TAF6: variants seen among roughly 807,000 people sequenced by gnomAD.
TAF6 encodes TATA-box binding protein associated factor 6.
In TAF6, 50 loss-of-function variants were observed where a neutral mutation model predicts 73.5. The observed-to-expected ratio is 0.68, with a 90% confidence interval of 0.54 to 0.86. The LOEUF is 0.86. Among genes scored for constraint, TAF6 ranks in the 40% least tolerant of loss-of-function variants. The probability of loss-of-function intolerance (pLI) is 0.00; values close to 1 mark genes in which losing one functional copy is unlikely to be tolerated. For synonymous variants in TAF6, 424 were observed against 376.7 expected (o/e 1.13, Z -1.45); for missense variants, 768 against 899.5 (o/e 0.85, Z 1.87).
upstream of TAF6, chr7:100,119,425 GTCC>G (rs954515749): frequency 8.2e-7 from 1 of 1,218,306 alleles, no homozygotes; most frequent in African/African-American, 1.6e-5. Context: ...ACCAGAATAA[GTCC>G]TCTAGGCTCG....
chr7:100,117,554 G>C (rs1416633337), intron 1 of TAF6, among the ~76,000 whole-genome samples: 2 of 151,700 alleles, frequency 1.3e-5, no homozygotes, highest in Non-Finnish European at 1.5e-5. Flanking sequence ...TTACAGGCGT[G>C]AGCCACTGTG....
At chr7:100,119,544 G>A (rs1374677783), upstream of TAF6, 2 of 1,375,198 alleles carry the variant, frequency 1.5e-6, no homozygotes, top group Non-Finnish European at 1.9e-6. Context: ...CGGCTGCCAG[G>A]ACCTTCAAGA....
chr7:100,108,590 C>T, intron 12 of TAF6, 50 bp from the exon 13 acceptor site: 2 of 1,550,260 alleles, frequency 1.3e-6, no homozygotes, highest in Non-Finnish European at 1.7e-6. Context: ...GGAAAAAAGC[C>T]AGGTAGAGGG....
the TAF6 span, chr7:100,127,161 G>T: frequency 4.1e-5 from 22 of 540,928 alleles, 2 homozygotes; most frequent in South Asian, 3.1e-4. This position sits in a 1 kb window ranked among gnomAD's most constrained non-coding sequence, Gnocchi z 4.6. Context: ...AATGGGGCGG[G>T]GGCCGAGGAC....
chr7:100,112,276 C>T lies in TAF6; in HGVS notation c.575-23G>A, dbSNP rs369658879. The T allele has an allele frequency of 1.0e-5, 16 of 1,605,822 alleles. No individual in the cohort carries two copies. In the East Asian group the frequency reaches 1.3e-4, roughly 13 times the overall value. On this transcript the variant is annotated intron_variant, in intron 6 of 14. Transcript: ENST00000453269. ...TCCCTGTGTGATTGGAAAGGTGGGT[C>T]TGACAAAGAAAGCTCCAGAAGAAAC...
chr7:100,125,973 T>G, the TAF6 span, among the ~76,000 whole-genome samples: 2 of 151,800 alleles, frequency 1.3e-5, no homozygotes, highest in Admixed American at 1.3e-4. Context: ...GATAACAAGA[T>G]TAGGAGATCG....
Position 100,113,708 on chromosome 7 carries a change from CG to C in TAF6, c.304del (p.Arg102GlyfsTer13). 1 of 1,614,022 alleles carries C rather than the reference CG, an allele frequency of 6.2e-7. No individual in the cohort carries two copies. The highest frequency in any genetic ancestry group is 1.1e-5 in the South Asian group (1 of 91,080). ...IPFRFASGGGRELYFYEEKEV... is the reference protein window; with the variant it reads ...IPFRFASGGGXELYFYEEKEV... ...CTTCTCCTCATAGAAGTAAAGCTCC[CG>C]GCCCCCACCAGAGGCGAAGCGGAAA... On this transcript the variant is annotated frameshift_variant, in exon 4 of 15. Coordinates refer to ENST00000453269, the MANE Select transcript of TAF6 (RefSeq NM_139315.3). LOFTEE classifies it high-confidence loss of function.
At chr7:100,109,819 TATC>T in intron 12 of TAF6, 126 bp downstream of exon 12, 2 of 1,389,782 alleles carry the variant, frequency 1.4e-6, no homozygotes, top group Admixed American at 4.5e-5. Flanking sequence ...TGTAAAATAG[TATC>T]AGACTCTGCA....
chr7:100,110,972 T>TC (rs1161791964), intron 10 of TAF6, among the ~76,000 whole-genome samples, 167 bp downstream of exon 10: 7 of 116,142 alleles, frequency 6.0e-5, no homozygotes, highest in African/African-American at 2.4e-4. Flanking sequence ...AGAGCGAGAC[T>TC]CCATCTCAAA....
rs373104578 is a variant in TAF6 at position 100,108,537 on chromosome 7, G to A, written c.1288C>T (p.His430Tyr). 15 of 1,602,402 alleles carry A rather than the reference G, an allele frequency of 9.4e-6. No individual in the cohort carries two copies. Among genetic ancestry groups the A allele is most frequent in the Non-Finnish European group, 1.3e-5 (15 of 1,171,782 alleles). ...ADHVQSLLLK[H>Y]CAPVLAKLRP... is the part of the protein sequence containing the mutation. ...AGCTTTGCCAGAACAGGAGCACAGT[G>A]TTTCTGCAGAACAGAAAAAAAGCCA... Residue 430 changes from histidine (H) to tyrosine (Y), a missense_variant, in exon 13 of 15, where the codon CAC (histidine) becomes TAC (tyrosine). By Grantham distance (83) the His-to-Tyr change is moderately conservative. Coordinates refer to ENST00000453269, the MANE Select transcript of TAF6 (RefSeq NM_139315.3).
At chr7:100,117,475 T>C (rs894325833) in intron 1 of TAF6, among the ~76,000 whole-genome samples, 5 of 151,634 alleles carry the variant, frequency 3.3e-5, no homozygotes. Flanking sequence ...TTTCACCATG[T>C]TGCTCAGGCT....
intron 1 of TAF6, 187 bp from the exon 2 acceptor site, chr7:100,114,455 G>T: frequency 1.5e-6 from 1 of 653,460 alleles, no homozygotes; most frequent in Non-Finnish European, 2.7e-6. Flanking sequence ...AGTGGCTCAC[G>T]CCTGTAATCC....
At chr7:100,112,029 G>T (rs1241694925) in intron 7 of TAF6, 30 bp from the exon 8 acceptor site, 1 of 1,614,014 alleles carries the variant, frequency 6.2e-7, no homozygotes, top group South Asian at 1.1e-5. Context: ...AGTCAGGTGG[G>T]GGTGGGATGT....
chr7:100,119,889 G>A, upstream of TAF6: 4 of 1,565,790 alleles, frequency 2.6e-6, no homozygotes, highest in Non-Finnish European at 2.6e-6. Flanking sequence ...GCCCCTATAG[G>A]CATCGCCCGG....
At chr7:100,110,365 T>TA in intron 10 of TAF6, 91 bp from the exon 11 acceptor site, 3 of 1,424,468 alleles carry the variant, frequency 2.1e-6, no homozygotes, top group Non-Finnish European at 3.0e-6. Context: ...TCCTTGTAAA[T>TA]CATTAAGACA....
At position 100,111,296 on chromosome 7, in the gene TAF6, A is replaced by G. The variant is rs1797160494; in HGVS notation, c.926T>C (p.Met309Thr). Reference sequence around the variant, plus strand: ...CAACTGTCTGCTCACGATGCAGGTCATCACAGCTGGAATCAGCTCATGGAC... The same window carrying G: ...CAACTGTCTGCTCACGATGCAGGTCGTCACAGCTGGAATCAGCTCATGGAC... ...KYVHELIPAV[M>T]TCIVSRQLCL... Residue 309 changes from methionine (M) to threonine (T), a missense_variant, in exon 10 of 15, where the codon ATG becomes ACG. By Grantham distance (81) the Met-to-Thr change is moderately conservative (BLOSUM62 -1). This residue lies in a region of TAF6 where 78 missense variants were observed against 153.4 expected (regional missense o/e 0.51). Coordinates refer to ENST00000453269, the MANE Select transcript of TAF6 (RefSeq NM_139315.3). 1.2e-6 allele frequency: 2 copies of G among 1,614,028 alleles called. No homozygotes were observed. Among genetic ancestry groups the G allele is most frequent in the Non-Finnish European group, 1.7e-6 (2 of 1,179,862 alleles).
At position 100,108,552 on chromosome 7, in the gene TAF6, A is replaced by AAAAAAAGCCAGGTAGAGGGAGGGCTGGGG. The variant is rs373378029; in HGVS notation, c.1285-41_1285-13dup. The AAAAAAAGCCAGGTAGAGGGAGGGCTGGGG allele has an allele frequency of 6.3e-6, 10 of 1,582,468 alleles. No individual in the cohort carries two copies. In the Middle Eastern group the frequency reaches 6.7e-4, roughly 107 times the overall value. ...GGAGCACAGTGTTTCTGCAGAACAG[A>AAAAAAAGCCAGGTAGAGGGAGGGCTGGGG]AAAAAAGCCAGGTAGAGGGAGGGCT... On this transcript the variant is annotated splice_polypyrimidine_tract_variant and intron_variant, in intron 12 of 14. Transcript: ENST00000453269.
chr7:100,113,319 G>A (rs1554388504), intron 5 of TAF6, 30 bp downstream of exon 5: 2 of 1,549,838 alleles, frequency 1.3e-6, no homozygotes, highest in Non-Finnish European at 1.7e-6. Flanking sequence ...AAGGGACCCA[G>A]AGACCCAGAG....
chr7:100,108,346 C>T (rs1796786630), intron 13 of TAF6, 21 bp downstream of exon 13: 1 of 1,585,764 alleles, frequency 6.3e-7, no homozygotes, highest in Non-Finnish European at 8.6e-7. Flanking sequence ...TCCTATTCCT[C>T]CTCCCCACCC....
Sources: allele counts gnomAD v4.1 joint callset (sites outside exome capture counted in the v4.1 genomes callset), GRCh38; gene constraint gnomAD v4.1.1; regional missense constraint gnomAD v4.1.1; non-coding constraint Gnocchi (gnomAD v3.1); transcripts MANE v1.5; gene names NCBI Gene and HGNC (gene_info 2026-07-23, HGNC 2026-07-21).